Variants in CDK17 observed in about 807,000 individuals in gnomAD.
The protein encoded by CDK17 is cyclin dependent kinase 17.
A neutral mutation model predicts 77.6 loss-of-function variants in CDK17; 24 were observed. The ratio of observed to expected loss-of-function variants is 0.31; its 90% confidence interval spans 0.22 to 0.44. CDK17 has a LOEUF of 0.44. Among genes scored for constraint, CDK17 ranks in the 20% least tolerant of loss-of-function variants. The pLI, the probability that CDK17 is intolerant of heterozygous loss-of-function variation, is 1.00. For synonymous variants in CDK17, 203 were observed against 210.4 expected (o/e 0.96, Z 0.30); for missense variants, 429 against 622.5 (o/e 0.69, Z 3.31).
At chr12:96,324,807 TA>T (rs1368157730) in intron 2 of CDK17, among the ~76,000 whole-genome samples, 1 of 151,822 alleles carries the variant, frequency 6.6e-6, no homozygotes, top group Non-Finnish European at 1.5e-5. Context: ...CTTTAGAATA[TA>T]AAAGACATGG....
intron 5 of CDK17, among the ~76,000 whole-genome samples, chr12:96,304,013 C>T (rs1167842367): frequency 6.6e-6 from 1 of 152,102 alleles, no homozygotes; most frequent in Non-Finnish European, 1.5e-5. Flanking sequence ...AGTAAGAGAT[C>T]AACTAATAAA....
chr12:96,316,725 A>T (rs1952728433), intron 3 of CDK17, among the ~76,000 whole-genome samples: 1 of 125,606 alleles, frequency 8.0e-6, no homozygotes, highest in Non-Finnish European at 1.7e-5. Context: ...AGGGTATTCC[A>T]ACAGACCTGC....
intron 11 of CDK17, 58 bp from the exon 12 acceptor site, chr12:96,286,819 G>T: frequency 7.0e-7 from 1 of 1,421,684 alleles, no homozygotes; most frequent in South Asian, 1.2e-5. Flanking sequence ...TGAAGCACAA[G>T]AATCTTTTCC....
chr12:96,331,619 T>C (rs540403678), intron 2 of CDK17, among the ~76,000 whole-genome samples: 54 of 152,318 alleles, frequency 3.5e-4, no homozygotes, highest in African/African-American at 1.3e-3. Flanking sequence ...CATATATGAC[T>C]CAGTTATCAA....
At position 96,299,303 on chromosome 12, in the gene CDK17, G is replaced by A. The variant is rs144003693; in HGVS notation, c.601-320C>T. Among the ~76,000 whole-genome samples, 529 of 152,052 alleles carry A rather than the reference G, an allele frequency of 3.5e-3. 2 individuals carry two copies. The highest frequency in any genetic ancestry group is 0.011 in the African/African-American group (450 of 41,482). ...CTTTAAAATCAAAGGTGCTTTACCTGCAATGGTATATGGAGACTGATGGAC... is the reference window on the plus strand; with the variant it reads ...CTTTAAAATCAAAGGTGCTTTACCTACAATGGTATATGGAGACTGATGGAC... On this transcript the variant is annotated intron_variant, in intron 6 of 16. Transcript: ENST00000261211.
At position 96,286,771 on chromosome 12, in the gene CDK17, A is replaced by G; in HGVS notation, c.1119-10T>C. 6.3e-7 allele frequency: 1 copy of G among 1,582,430 alleles called. No individual in the cohort carries two copies. The highest frequency in any genetic ancestry group is 8.7e-7 in the Non-Finnish European group (1 of 1,154,678). On this transcript the variant is annotated splice_polypyrimidine_tract_variant and intron_variant, in intron 11 of 16. Transcript: ENST00000261211. ...AATGCAACCAACACCCCTTTAAAAT[A>G]GATCATGAAAATAATTTAGCAATTC...
At chr12:96,290,082 G>T (rs1952304062) in intron 10 of CDK17, among the ~76,000 whole-genome samples, 1 of 152,154 alleles carries the variant, frequency 6.6e-6, no homozygotes, top group South Asian at 2.1e-4. Context: ...ACGAATTTGT[G>T]TTGGGCTGCA....
intron 1 of CDK17, among the ~76,000 whole-genome samples, chr12:96,343,934 C>CA (rs1953160472): frequency 6.6e-6 from 1 of 152,108 alleles, no homozygotes; most frequent in African/African-American, 2.4e-5. Flanking sequence ...TAAATATACT[C>CA]AAAGAGCTGA....
intron 1 of CDK17, among the ~76,000 whole-genome samples, chr12:96,356,673 G>A (rs749297002): frequency 6.6e-6 from 1 of 152,138 alleles, no homozygotes; most frequent in Non-Finnish European, 1.5e-5. Flanking sequence ...ATTACCTCCT[G>A]AGTTCAGTAA....
At chr12:96,359,841 CT>C (rs1396158638) in intron 1 of CDK17, among the ~76,000 whole-genome samples, 1 of 152,022 alleles carries the variant, frequency 6.6e-6, no homozygotes, top group Non-Finnish European at 1.5e-5. Flanking sequence ...ATCTATATCC[CT>C]TGATAAGTAC....
chr12:96,327,546 A>AT (rs907377480), intron 2 of CDK17, among the ~76,000 whole-genome samples: 7 of 150,054 alleles, frequency 4.7e-5, no homozygotes, highest in Non-Finnish European at 7.4e-5. Context: ...CTATTCAAAT[A>AT]TTTTTTTTTT....
At chr12:96,299,441 A>G (rs1952463293) in intron 6 of CDK17, among the ~76,000 whole-genome samples, 1 of 147,182 alleles carries the variant, frequency 6.8e-6, no homozygotes, top group African/African-American at 2.5e-5. Flanking sequence ...CCCAGGCTAG[A>G]GTGCAGTGGC....
intron 10 of CDK17, among the ~76,000 whole-genome samples, chr12:96,292,968 C>T (rs1952346305): frequency 6.6e-6 from 1 of 152,032 alleles, no homozygotes; most frequent in South Asian, 2.1e-4. Context: ...GTTCTCAAGA[C>T]CCATTTTATA....
intron 11 of CDK17, among the ~76,000 whole-genome samples, chr12:96,288,951 C>T (rs185199331): frequency 1.3e-5 from 2 of 152,186 alleles, no homozygotes; most frequent in Admixed American, 1.3e-4. Flanking sequence ...AGGCAAAGGC[C>T]AGTAATTTGA....
chr12:96,361,098 G>A (rs550749432), intron 1 of CDK17, among the ~76,000 whole-genome samples: 6 of 152,284 alleles, frequency 3.9e-5, no homozygotes, highest in East Asian at 3.9e-4. Context: ...CCAGACCTCC[G>A]AAAAGAAAAC....
chr12:96,299,555 TA>T (rs1320157144), intron 6 of CDK17, among the ~76,000 whole-genome samples: 1 of 152,042 alleles, frequency 6.6e-6, no homozygotes, highest in Admixed American at 6.5e-5. Flanking sequence ...CACGCCCAGC[TA>T]ATTTTTGTGT....
At chr12:96,366,127 CT>C (rs1953579400) in intron 1 of CDK17, among the ~76,000 whole-genome samples, 1 of 152,172 alleles carries the variant, frequency 6.6e-6, no homozygotes, top group Admixed American at 6.5e-5. Context: ...GCCAAAAAGC[CT>C]CTAGCAAATA....
At chr12:96,373,596 A>C (rs1953729039) in intron 1 of CDK17, among the ~76,000 whole-genome samples, 1 of 151,118 alleles carries the variant, frequency 6.6e-6, no homozygotes, top group Non-Finnish European at 1.5e-5. Flanking sequence ...ACTCCATCTC[A>C]GAAGAAAAGA....
chr12:96,286,545 T>A, intron 12 of CDK17, 119 bp downstream of exon 12: 1 of 649,528 alleles, frequency 1.5e-6, no homozygotes, highest in Non-Finnish European at 2.7e-6. Flanking sequence ...TTATTCTAAC[T>A]AACAGCTGTT....
Sources: gnomAD v4.1 joint callset for allele counts (sites outside exome capture counted in the v4.1 genomes callset) on GRCh38, gnomAD v4.1.1 for gene constraint, MANE v1.5 for transcripts, NCBI Gene and HGNC (gene_info 2026-07-23, HGNC 2026-07-21) for gene names.